The following BUB3 variants were observed in gnomAD, a reference collection of about 807,000 sequenced individuals.
BUB3 encodes the protein mitotic checkpoint protein BUB3.
In BUB3, 22 loss-of-function variants were observed where a neutral mutation model predicts 39.9. That is an observed-to-expected ratio of 0.55 (90% CI 0.39 to 0.79). The LOEUF (loss-of-function observed/expected upper bound fraction) is 0.79. BUB3 is among the 30% of genes least tolerant of loss of function. The pLI, the probability that BUB3 is intolerant of heterozygous loss-of-function variation, is 0.00. For missense variants in BUB3, 303 were observed against 415.4 expected (o/e 0.73, Z 2.35); for synonymous variants, 168 against 155.1 (o/e 1.08, Z -0.62).
Position 123,155,665 on chromosome 10 carries a change from C to T in BUB3, c.203C>T (p.Thr68Met), listed in dbSNP as rs1161256313. ...TTCAAAACTATTTTATAGGATCCAA[C>T]GCATGCCTGGAGTGGAGGACTAGAT... is the stretch of plus-strand genomic sequence containing the variant. Reference protein sequence around the residue: ...AVLDCAFYDPTHAWSGGLDHQ... With the variant: ...AVLDCAFYDPMHAWSGGLDHQ... The change falls in exon 3 of 8, where the codon ACG (threonine) becomes ATG (methionine). Residue 68 changes from threonine to methionine, a missense_variant. Coordinates refer to ENST00000368865, the MANE Select transcript of BUB3 (RefSeq NM_004725.4). 3.7e-6 allele frequency: 6 copies of T among 1,613,824 alleles called. No homozygotes were observed. In the Admixed American group the frequency reaches 6.7e-5, roughly 18 times the overall value.
In BUB3 at chr10:123,165,819, G is replaced by T. The variant is rs1316539328; in HGVS notation, c.*1984G>T. ...AAATCACAGTGAAGCCCTTGGGAAGGTAAATAATGTAATAGCCAGGGACTG... is the reference window on the plus strand; with the variant it reads ...AAATCACAGTGAAGCCCTTGGGAAGTTAAATAATGTAATAGCCAGGGACTG... On this transcript the variant is annotated 3_prime_UTR_variant, in exon 8 of 8. Transcript: ENST00000368865. 2 of 152,132 alleles carry T rather than the reference G, an allele frequency of 1.3e-5. No homozygotes were observed. Among genetic ancestry groups the T allele is most frequent in the East Asian group, 3.9e-4 (2 of 5,190 alleles). 9.4% of individuals were successfully genotyped at this position (152,132 alleles called of 1,614,324 possible).
In BUB3 at chr10:123,167,192, T is replaced by TA. The variant is rs1396541406; in HGVS notation, c.*3358dup. 6.6e-6 allele frequency: 1 copy of TA among 152,248 alleles called. No homozygotes were observed. Among genetic ancestry groups the TA allele is most frequent in the African/African-American group, 2.4e-5 (1 of 41,470 alleles). The allele number at this position is 152,248 out of a possible 1,614,324, so 9.4% of individuals were successfully genotyped here. A position where few individuals can be genotyped will look rare whatever the true frequency, so the allele number is the denominator to read the frequency against. On this transcript the variant is annotated 3_prime_UTR_variant, in exon 8 of 8. Transcript: ENST00000368865. ...CCAGAAAACACTGGGGTTCTTCTCT[T>TA]ACGCTGAGAGCCAGGTTACTTTCTT...
In BUB3 at chr10:123,155,123, T is replaced by G; in HGVS notation, c.195+11T>G. On this transcript the variant is annotated intron_variant, in intron 2 of 7. Transcript: ENST00000368865. ...GACTGCGCCTTCTACGTAGGTGCCC[T>G]CCCGCCCTGCTCCTGCCCTCTTACT... 1 of 1,612,070 alleles carries G rather than the reference T, an allele frequency of 6.2e-7. No homozygotes were observed. Among genetic ancestry groups the G allele is most frequent in the Non-Finnish European group, 8.5e-7 (1 of 1,179,058 alleles).
chr10:123,159,242 G>C (rs1366844347), intron 4 of BUB3, among the ~76,000 whole-genome samples: 1 of 152,120 alleles, frequency 6.6e-6, no homozygotes, highest in Non-Finnish European at 1.5e-5. Context: ...TTCTAGAGAG[G>C]GGTGGGACAT....
In BUB3 at chr10:123,164,896, G is replaced by C. The variant is rs1325611703; in HGVS notation, c.*1061G>C. The C allele has an allele frequency of 1.4e-6, 2 of 1,427,102 alleles. No individual in the cohort carries two copies. The highest frequency in any genetic ancestry group is 1.8e-6 in the Non-Finnish European group (2 of 1,093,722). The allele number at this position is 1,427,102 out of a possible 1,614,324, so 88.4% of individuals were successfully genotyped here. A position where few individuals can be genotyped will look rare whatever the true frequency, so the allele number is the denominator to read the frequency against. On this transcript the variant is annotated 3_prime_UTR_variant, in exon 8 of 8. Coordinates refer to ENST00000368865, the MANE Select transcript of BUB3 (RefSeq NM_004725.4). ...TTTGCAAATGTATGTCTCTGAGTAG[G>C]ACTTGGACCTTTCCTGAGATTTATT...
At chr10:123,159,353 C>T (rs1844389053) in intron 4 of BUB3, among the ~76,000 whole-genome samples, 1 of 152,212 alleles carries the variant, frequency 6.6e-6, no homozygotes, top group Non-Finnish European at 1.5e-5. Context: ...GAAGAGACAT[C>T]ATCTTACCTT....
In BUB3 at chr10:123,160,545, C is replaced by A. The variant is rs754485858; in HGVS notation, c.556C>A (p.Arg186=). 1.2e-6 allele frequency: 2 copies of A among 1,601,512 alleles called. No individual in the cohort carries two copies. The highest frequency in any genetic ancestry group is 1.1e-5 in the South Asian group (1 of 88,820). ...CCTGAAATACCAGACTCGCTGCATA[C>A]GAGCGTTTCCAAACAAGCAGGTATT... is the stretch of plus-strand genomic sequence containing the variant. ...SSLKYQTRCI[R]AFPNKQGYVL... is the part of the protein sequence containing the mutation. The change falls in exon 5 of 8, where the codon CGA becomes AGA. Residue 186 remains arginine, a synonymous_variant. Transcript: ENST00000368865.
chr10:123,164,517 ATTGTT>A lies in BUB3; in HGVS notation c.*684_*688del. ...CAAACAATTGATCCCAGAAGGGCAA[ATTGTT>A]TGAGTCAGTAATGAGCTGAGAAAAG... is the stretch of plus-strand genomic sequence containing the variant. On this transcript the variant is annotated 3_prime_UTR_variant, in exon 8 of 8. Coordinates refer to ENST00000368865, the MANE Select transcript of BUB3 (RefSeq NM_004725.4). 1 of 985,788 alleles carries A rather than the reference ATTGTT, an allele frequency of 1.0e-6. No individual in the cohort carries two copies. Among genetic ancestry groups the A allele is most frequent in the African/African-American group, 1.7e-5 (1 of 57,378 alleles). 61.1% of individuals were successfully genotyped at this position (985,788 alleles called of 1,614,324 possible).
rs1178857182 is a variant in BUB3, at chr10:123,162,704, G to A, written c.847G>A (p.Ala283Thr). ...HRYPTSIASL[A>T]FSNDGTTLAI... ...GTACCCCACGAGCATCGCATCACTT[G>A]CCTTCAGTAATGATGGGACTACGCT... Residue 283 changes from alanine to threonine, a missense_variant, in exon 7 of 8, where the codon GCC (alanine) becomes ACC (threonine). Ala to Thr is a moderately conservative substitution (Grantham distance 58). Around this residue, in one of 2 missense-constraint regions of BUB3, gnomAD observed 182 missense variants for 293.1 expected, o/e 0.62. Transcript: ENST00000368865. 6.2e-7 allele frequency: 1 copy of A among 1,612,730 alleles called. No homozygotes were observed. Among genetic ancestry groups the A allele is most frequent in the East Asian group, 2.2e-5 (1 of 44,864 alleles).
Position 123,160,444 on chromosome 10 carries a change from T to C in BUB3, c.455T>C (p.Val152Ala). ...TLSVSGDRLI[V>A]GTAGRRVLVW... ...TCAGTGTCTGGAGACCGGCTGATTG[T>C]GGGAACAGCAGGCCGCAGAGTGTTG... The change falls in exon 5 of 8, where the codon GTG becomes GCG. Residue 152 changes from valine to alanine, a missense_variant. Coordinates refer to ENST00000368865, the MANE Select transcript of BUB3 (RefSeq NM_004725.4). 6.2e-7 allele frequency: 1 copy of C among 1,612,034 alleles called. No individual in the cohort carries two copies. The highest frequency in any genetic ancestry group is 2.2e-5 in the East Asian group (1 of 44,844).
intron 4 of BUB3, among the ~76,000 whole-genome samples, chr10:123,159,132 GACATTT>G (rs953625946): frequency 6.6e-6 from 1 of 152,036 alleles, no homozygotes; most frequent in African/African-American, 2.4e-5. Context: ...TAACATTTCT[GACATTT>G]ATATCTGCTT....
intron 1 of BUB3, 127 bp from the exon 2 acceptor site, chr10:123,154,791 G>C (rs975458283): frequency 2.2e-5 from 23 of 1,031,456 alleles, no homozygotes; most frequent in Admixed American, 8.3e-5. Flanking sequence ...CGGCGCAGGC[G>C]CAAGCGCAGA....
chr10:123,157,330 A>G (rs1019498113), intron 3 of BUB3, among the ~76,000 whole-genome samples: 3 of 152,352 alleles, frequency 2.0e-5, no homozygotes, highest in Non-Finnish European at 1.5e-5. Context: ...TGTTTATTCA[A>G]CAGATATTTC....
intron 1 of BUB3, 52 bp from the exon 2 acceptor site, chr10:123,154,866 G>GC: frequency 6.4e-7 from 1 of 1,557,952 alleles, no homozygotes; most frequent in African/African-American, 1.4e-5. Context: ...GGCTGTCAGT[G>GC]CGCAGCCCCA....
At chr10:123,155,855 T>A in intron 3 of BUB3, 128 bp downstream of exon 3, 1 of 755,544 alleles carries the variant, frequency 1.3e-6, no homozygotes, top group Non-Finnish European at 2.2e-6. Context: ...GGCTTGAATT[T>A]AGGATTTTTT....
rs914015093 is a variant in BUB3 at position 123,167,285 on chromosome 10, T to C, written c.*3450T>C. ...TGCCCAGGGTCATTCTCTTTCTGAA[T>C]TGCTCTTTCAGGATTTAATTTGAAT... On this transcript the variant is annotated 3_prime_UTR_variant, in exon 8 of 8. Coordinates refer to ENST00000368865, the MANE Select transcript of BUB3 (RefSeq NM_004725.4). The C allele has an allele frequency of 2.6e-5, 4 of 152,340 alleles. No homozygotes were observed. Among genetic ancestry groups the C allele is most frequent in the African/African-American group, 7.2e-5 (3 of 41,584 alleles). 9.4% of individuals were successfully genotyped at this position (152,340 alleles called of 1,614,324 possible).
rs1424855694 is a variant in BUB3 at position 123,164,486 on chromosome 10, T to A, written c.*651T>A. 2.0e-6 allele frequency: 2 copies of A among 985,574 alleles called. No homozygotes were observed. Among genetic ancestry groups the A allele is most frequent in the Non-Finnish European group, 2.4e-6 (2 of 830,134 alleles). 61.1% of individuals were successfully genotyped at this position (985,574 alleles called of 1,614,324 possible). A position where few individuals can be genotyped will look rare whatever the true frequency, so the allele number is the denominator to read the frequency against. ...CATTTTGTGACTGTAAACAATTATT[T>A]ATTAGCAAACAATTGATCCCAGAAG... On this transcript the variant is annotated 3_prime_UTR_variant, in exon 8 of 8. Transcript: ENST00000368865.
At chr10:123,159,070 A>G (rs887998403) in intron 4 of BUB3, among the ~76,000 whole-genome samples, 4 of 152,150 alleles carry the variant, frequency 2.6e-5, no homozygotes, top group Non-Finnish European at 4.4e-5. Flanking sequence ...ATACATCTTA[A>G]TTTTCATTTT....
Position 123,162,237 on chromosome 10 carries a change from G to T in BUB3, c.578G>T (p.Gly193Val), listed in dbSNP as rs776359661. Residue 193 changes from glycine (G) to valine (V), a missense_variant and splice_region_variant, in exon 6 of 8, where the codon GGT (glycine) becomes GTT (valine). Gly to Val is a moderately radical substitution (Grantham distance 109, BLOSUM62 -3). Coordinates refer to ENST00000368865, the MANE Select transcript of BUB3 (RefSeq NM_004725.4). ...RCIRAFPNKQ[G>V]YVLSSIEGRV... ...TTTCCTCTGGTTCTCTCTTGGCAGG[G>T]TTATGTATTAAGCTCTATTGAAGGC... is the stretch of plus-strand genomic sequence containing the variant. 10 of 1,611,560 alleles carry T rather than the reference G, an allele frequency of 6.2e-6. No homozygotes were observed. Among genetic ancestry groups the T allele is most frequent in the Middle Eastern group, 3.3e-4 (2 of 6,038 alleles).
Sources: allele counts gnomAD v4.1 joint callset (sites outside exome capture counted in the v4.1 genomes callset), GRCh38; gene constraint gnomAD v4.1.1; regional missense constraint gnomAD v4.1.1; transcripts MANE v1.5; gene names NCBI Gene and HGNC (gene_info 2026-07-23, HGNC 2026-07-21).